GSE1: variants seen among roughly 807,000 people sequenced by gnomAD.
The protein encoded by GSE1 is Gse1 coiled-coil protein, also known as genetic suppressor element 1.
In GSE1, 32 loss-of-function variants were observed where a neutral mutation model predicts 112.6. The ratio of observed to expected loss-of-function variants is 0.28; its 90% CI spans 0.21 to 0.38. GSE1 has a LOEUF of 0.38. GSE1 is among the 10% of genes least tolerant of loss of function. GSE1 has a pLI of 1.00. For synonymous variants in GSE1, 1,115 were observed against 735.6 expected (o/e 1.52, Z -8.35); for missense variants, 2,348 against 1,699.2 (o/e 1.38, Z -6.71).
chr16:85,477,721 C>T (rs8053690), intron 2 of GSE1, among the ~76,000 whole-genome samples: 5,745 of 151,886 alleles, frequency 0.038, 337 homozygotes, highest in African/African-American at 0.13. Flanking sequence ...CCACCATGCC[C>T]GGCTAATTTT....
chr16:85,475,115 G>A (rs1257215821), intron 2 of GSE1, among the ~76,000 whole-genome samples: 1 of 152,144 alleles, frequency 6.6e-6, no homozygotes. Flanking sequence ...TGCTCTGACG[G>A]GCAGTCCCTG....
chr16:85,345,132 G>C (rs899225395), intron 1 of GSE1, among the ~76,000 whole-genome samples: 1 of 146,214 alleles, frequency 6.8e-6, no homozygotes, highest in Non-Finnish European at 1.5e-5. Flanking sequence ...AGGGGCCTGC[G>C]GGCCAAGTCC....
At chr16:85,234,485 C>T (rs540309293) in intron 1 of GSE1, among the ~76,000 whole-genome samples, 74 of 152,276 alleles carry the variant, frequency 4.9e-4, no homozygotes, top group Non-Finnish European at 9.7e-4. Context: ...GCCCTGGAGA[C>T]GGATGGGCGG....
chr16:85,599,225 C>A (rs898322602), intron 1 of GSE1, among the ~76,000 whole-genome samples: 2 of 152,222 alleles, frequency 1.3e-5, no homozygotes, highest in Admixed American at 6.5e-5. Context: ...GTTGGTGATG[C>A]TGCTTCAGGT....
chr16:85,455,645 A>G (rs555164178), intron 2 of GSE1, among the ~76,000 whole-genome samples: 1 of 152,348 alleles, frequency 6.6e-6, no homozygotes, highest in East Asian at 1.9e-4. Context: ...TCAGTCTCAG[A>G]TCAGAGACAG....
At chr16:85,233,796 G>A (rs990392948) in intron 1 of GSE1, among the ~76,000 whole-genome samples, 2 of 152,202 alleles carry the variant, frequency 1.3e-5, no homozygotes, top group Admixed American at 1.3e-4. Context: ...CTGGCCTCCT[G>A]GCTGGACCAG....
intron 2 of GSE1, among the ~76,000 whole-genome samples, chr16:85,379,203 G>T (rs555555300): frequency 6.6e-6 from 1 of 152,248 alleles, no homozygotes; most frequent in African/African-American, 2.4e-5. Context: ...TCCTCGCTGG[G>T]CCTCCTCCGC....
chr16:85,627,384 C>G (rs1428646570), intron 1 of GSE1, among the ~76,000 whole-genome samples: 1 of 152,034 alleles, frequency 6.6e-6, no homozygotes, highest in Non-Finnish European at 1.5e-5. Context: ...GTCCAGGGAG[C>G]AGACAGTTGA....
intron 2 of GSE1, among the ~76,000 whole-genome samples, chr16:85,506,801 G>C (rs539225944): frequency 1.3e-5 from 2 of 152,114 alleles, no homozygotes; most frequent in African/African-American, 4.8e-5. Context: ...CTTGCTGGGG[G>C]AAGTGATCAT....
At chr16:85,337,311 T>TC (rs1255971081) in intron 1 of GSE1, among the ~76,000 whole-genome samples, 2 of 142,908 alleles carry the variant, frequency 1.4e-5, no homozygotes, top group Non-Finnish European at 3.1e-5. Context: ...TCTTTTCTTT[T>TC]TTTTTTTTTT....
chr16:85,280,655 C>G (rs985066050), intron 1 of GSE1, among the ~76,000 whole-genome samples: 18 of 152,346 alleles, frequency 1.2e-4, no homozygotes, highest in Admixed American at 1.1e-3. Context: ...CTCAGCCTCC[C>G]AAAGTGCTGG....
chr16:85,254,400 C>T (rs1424283681), intron 1 of GSE1, among the ~76,000 whole-genome samples: 1 of 152,152 alleles, frequency 6.6e-6, no homozygotes, highest in Non-Finnish European at 1.5e-5. Context: ...AAGTTGTCCC[C>T]TAGCCTCTCC....
intron 1 of GSE1, among the ~76,000 whole-genome samples, chr16:85,235,100 G>A (rs1257302044): frequency 3.9e-5 from 6 of 152,018 alleles, no homozygotes; most frequent in Non-Finnish European, 8.8e-5. Context: ...AGGGGCAGGG[G>A]TCCTAGGGGC....
At chr16:85,226,758 GGTGTGTGT>G (rs55999145) in intron 1 of GSE1, among the ~76,000 whole-genome samples, 13,132 of 104,798 alleles carry the variant, frequency 0.13, 985 homozygotes, top group Admixed American at 0.18. Context: ...TGCCTGGACT[GGTGTGTGT>G]GTGTGTGTGT....
chr16:85,619,189 C>T lies in GSE1; in HGVS notation c.7+5791C>T, dbSNP rs575079535. ...TCGGGCTCACATGCACACCACTGCC[C>T]CCTTGGTGATTGGCACTCTGGGCCC... On this transcript the variant is annotated intron_variant, in intron 1 of 15. Transcript: ENST00000253458. 1.1e-3 allele frequency among the ~76,000 whole-genome samples: 172 copies of T among 152,320 alleles called. 1 individual carries two copies. The highest frequency in any genetic ancestry group is 2.0e-3 in the Non-Finnish European group (133 of 68,032).
intron 2 of GSE1, among the ~76,000 whole-genome samples, chr16:85,430,586 G>A (rs9940484): frequency 0.056 from 8,545 of 152,272 alleles, 460 homozygotes; most frequent in East Asian, 0.31. Flanking sequence ...ACACAGCGGC[G>A]TTCAGCCCTC....
chr16:85,432,730 C>G (rs2049150940), intron 2 of GSE1, among the ~76,000 whole-genome samples: 1 of 152,204 alleles, frequency 6.6e-6, no homozygotes. Flanking sequence ...CTCTGCAATG[C>G]TTCCAACAGT....
rs189249058 is a variant in GSE1 at position 85,635,270 on chromosome 16, C to T, written c.226+1138C>T. Among the ~76,000 whole-genome samples the T allele has an allele frequency of 5.3e-5, 8 of 152,244 alleles. No homozygotes were observed. In the East Asian group the frequency reaches 1.2e-3, roughly 22 times the overall value. On this transcript the variant is annotated intron_variant, in intron 2 of 15. Coordinates refer to ENST00000253458, the MANE Select transcript of GSE1 (RefSeq NM_014615.5). ...GGGGTATTGGCCCAGGAGGGAGGCC[C>T]GTTGGGGTCTGGTTTCCGTACCACC...
intron 2 of GSE1, among the ~76,000 whole-genome samples, chr16:85,385,835 A>G (rs1298322044): frequency 2.0e-5 from 3 of 151,358 alleles, no homozygotes; most frequent in African/African-American, 7.3e-5. Context: ...ACCGCGGGTG[A>G]CCCCCGGGCC....
Sources: allele counts gnomAD v4.1 joint callset (sites outside exome capture counted in the v4.1 genomes callset), GRCh38; gene constraint gnomAD v4.1.1; transcripts MANE v1.5; gene names NCBI Gene and HGNC (gene_info 2026-07-23, HGNC 2026-07-21).